CLIP4: variants seen among roughly 807,000 people sequenced by gnomAD.
The protein encoded by CLIP4 is CAP-Gly domain-containing linker protein 4.
In CLIP4, 47 loss-of-function variants were observed where a neutral mutation model predicts 73.1. That is an observed-to-expected ratio of 0.64 (90% confidence interval 0.51 to 0.82). CLIP4 has a LOEUF of 0.82. CLIP4 is among the 40% of genes least tolerant of loss of function. The probability of loss-of-function intolerance (pLI) is 0.00; values close to 1 mark genes in which losing one functional copy is unlikely to be tolerated. For synonymous variants in CLIP4, 306 were observed against 295.4 expected (o/e 1.04, Z -0.37); for missense variants, 874 against 852.9 (o/e 1.02, Z -0.31).
intron 14 of CLIP4, among the ~76,000 whole-genome samples, chr2:29,169,834 A>G (rs963668954): frequency 1.1e-4 from 16 of 152,040 alleles, no homozygotes; most frequent in Admixed American, 3.3e-4. Flanking sequence ...CCCCTGTGCT[A>G]TTGAATACTA....
chr2:29,179,973 T>C (rs1047996407), intron 15 of CLIP4, among the ~76,000 whole-genome samples: 6 of 152,246 alleles, frequency 3.9e-5, no homozygotes, highest in Admixed American at 2.0e-4. Flanking sequence ...ATTAGTCATC[T>C]TCCTTTCTTA....
intron 1 of CLIP4, among the ~76,000 whole-genome samples, chr2:29,099,729 AT>A (rs1667986327): frequency 6.6e-6 from 1 of 152,240 alleles, no homozygotes; most frequent in South Asian, 2.1e-4. Flanking sequence ...CATGTACAAA[AT>A]AATTTGCTGG....
chr2:29,109,858 G>T (rs957433584), intron 1 of CLIP4, among the ~76,000 whole-genome samples: 9 of 152,148 alleles, frequency 5.9e-5, no homozygotes, highest in Non-Finnish European at 1.0e-4. Flanking sequence ...AATAGTTCAA[G>T]ACCAGCCTGG....
At chr2:29,100,462 G>C (rs916573129) in intron 1 of CLIP4, among the ~76,000 whole-genome samples, 3 of 151,986 alleles carry the variant, frequency 2.0e-5, no homozygotes, top group African/African-American at 7.3e-5. Context: ...TCTTCCATTA[G>C]TGTGATACAT....
intron 1 of CLIP4, among the ~76,000 whole-genome samples, chr2:29,109,796 T>G (rs1431422109): frequency 6.6e-6 from 1 of 152,104 alleles, no homozygotes. Flanking sequence ...TGACAGCTCA[T>G]GCCTGTAATC....
chr2:29,132,306 A>AT, intron 4 of CLIP4, 61 bp downstream of exon 4: 1 of 1,329,842 alleles, frequency 7.5e-7, no homozygotes, highest in Non-Finnish European at 1.1e-6. Flanking sequence ...TAGATAATCT[A>AT]TATTTATGCC....
chr2:29,124,374 CT>C (rs201333421), intron 2 of CLIP4, among the ~76,000 whole-genome samples: 6 of 151,714 alleles, frequency 4.0e-5, no homozygotes, highest in Non-Finnish European at 7.4e-5. Context: ...GATGTAATGT[CT>C]TTTTTTTGGC....
chr2:29,123,248 G>A (rs1045570004), intron 2 of CLIP4, among the ~76,000 whole-genome samples: 4 of 152,016 alleles, frequency 2.6e-5, no homozygotes, highest in Non-Finnish European at 5.9e-5. Context: ...CCTTTTCATC[G>A]TAGCTGCTTT....
chr2:29,123,580 T>C (rs187687841), intron 2 of CLIP4, among the ~76,000 whole-genome samples: 2 of 152,194 alleles, frequency 1.3e-5, no homozygotes, highest in East Asian at 3.9e-4. Flanking sequence ...TGGGAAGAAG[T>C]GTTCCAGGAA....
intron 8 of CLIP4, among the ~76,000 whole-genome samples, chr2:29,150,288 A>G (rs1490109620): frequency 6.6e-6 from 1 of 152,176 alleles, no homozygotes; most frequent in African/African-American, 2.4e-5. Context: ...GAAGTTGAAG[A>G]GAAAGTACAA....
Position 29,163,811 on chromosome 2 carries a change from A to T in CLIP4, c.1535-20A>T. The T allele has an allele frequency of 6.2e-7, 1 of 1,605,302 alleles. No individual in the cohort carries two copies. Among genetic ancestry groups the T allele is most frequent in the Non-Finnish European group, 8.5e-7 (1 of 1,176,860 alleles). ...TGGATAAAGTACAGATGCTTTTGAAATGCAATATTCATGTTCTAGGATATT... is the reference window on the plus strand; with the variant it reads ...TGGATAAAGTACAGATGCTTTTGAATTGCAATATTCATGTTCTAGGATATT... On this transcript the variant is annotated intron_variant, in intron 12 of 15. Coordinates refer to ENST00000320081, the MANE Select transcript of CLIP4 (RefSeq NM_024692.6).
At chr2:29,139,708 G>A (rs992127608) in intron 6 of CLIP4, among the ~76,000 whole-genome samples, 1 of 152,068 alleles carries the variant, frequency 6.6e-6, no homozygotes, top group Non-Finnish European at 1.5e-5. Flanking sequence ...GTTCTTGGAA[G>A]GTTGTGTGTT....
At chr2:29,148,115 A>G (rs1372824761) in intron 8 of CLIP4, among the ~76,000 whole-genome samples, 1 of 152,108 alleles carries the variant, frequency 6.6e-6, no homozygotes, top group Non-Finnish European at 1.5e-5. Context: ...TATGTACTCA[A>G]AGGCAAGTTG....
At chr2:29,132,112 A>T in intron 3 of CLIP4, 40 bp from the exon 4 acceptor site, 1 of 1,469,294 alleles carries the variant, frequency 6.8e-7, no homozygotes, top group Non-Finnish European at 9.5e-7. Flanking sequence ...TAGGTACCTC[A>T]GTAGTTAGGT....
In CLIP4 at chr2:29,163,812, T is replaced by A. The variant is rs765072857; in HGVS notation, c.1535-19T>A. Reference sequence around the variant, plus strand: ...GGATAAAGTACAGATGCTTTTGAAATGCAATATTCATGTTCTAGGATATTG... The same window carrying A: ...GGATAAAGTACAGATGCTTTTGAAAAGCAATATTCATGTTCTAGGATATTG... On this transcript the variant is annotated intron_variant, in intron 12 of 15. Transcript: ENST00000320081. The A allele has an allele frequency of 6.2e-7, 1 of 1,605,360 alleles. No individual in the cohort carries two copies. The highest frequency in any genetic ancestry group is 8.5e-7 in the Non-Finnish European group (1 of 1,176,878).
At chr2:29,114,217 C>T (rs1290478791), upstream of CLIP4, 1 of 152,294 alleles carries the variant, frequency 6.6e-6, no homozygotes, top group African/African-American at 2.4e-5. Flanking sequence ...TCTTTCCTCT[C>T]CGCACTTGGC....
At chr2:29,158,810 G>T (rs1213483394) in intron 11 of CLIP4, among the ~76,000 whole-genome samples, 1 of 152,102 alleles carries the variant, frequency 6.6e-6, no homozygotes, top group East Asian at 1.9e-4. Flanking sequence ...TTGCTGTGTC[G>T]CCCAGGCTGG....
chr2:29,149,211 G>C (rs1404170084), intron 8 of CLIP4, among the ~76,000 whole-genome samples: 1 of 152,164 alleles, frequency 6.6e-6, no homozygotes, highest in East Asian at 1.9e-4. Flanking sequence ...CAGTAGCCAG[G>C]ATATGGCTGT....
intron 1 of CLIP4, among the ~76,000 whole-genome samples, chr2:29,108,722 G>A (rs1411575220): frequency 6.6e-6 from 1 of 152,098 alleles, no homozygotes; most frequent in Non-Finnish European, 1.5e-5. Context: ...TTTTTCATAC[G>A]TACTTCAGTA....
Sources: allele counts gnomAD v4.1 joint callset (sites outside exome capture counted in the v4.1 genomes callset), GRCh38; gene constraint gnomAD v4.1.1; transcripts MANE v1.5; gene names NCBI Gene and HGNC (gene_info 2026-07-23, HGNC 2026-07-21).